Variants in WWTR1 observed in about 807,000 individuals in gnomAD.
WWTR1 encodes the protein WW domain-containing transcription regulator protein 1.
In WWTR1, 13 loss-of-function variants were observed where a neutral mutation model predicts 40.1. The observed-to-expected ratio is 0.32, with a 90% CI of 0.21 to 0.52. The LOEUF is 0.52. Among genes scored for constraint, WWTR1 ranks in the 20% least tolerant of loss-of-function variants. WWTR1 has a pLI of 0.97. For synonymous variants in WWTR1, 230 were observed against 210.1 expected (o/e 1.09, Z -0.82); for missense variants, 436 against 523.1 (o/e 0.83, Z 1.63).
intron 1 of WWTR1, among the ~76,000 whole-genome samples, chr3:149,677,959 C>T (rs1010703874): frequency 1.8e-4 from 27 of 150,544 alleles, no homozygotes; most frequent in African/African-American, 5.6e-4. Flanking sequence ...TTAGTGGAGA[C>T]GGGGTTTCAC....
chr3:149,644,978 A>G lies in WWTR1; in HGVS notation c.431+11898T>C, dbSNP rs562739849. On this transcript the variant is annotated intron_variant, in intron 2 of 6. Coordinates refer to ENST00000360632, the MANE Select transcript of WWTR1 (RefSeq NM_015472.6). The stretch of plus-strand genomic sequence containing the variant: ...AGCAATTCTCGTGTCTCAGCCTCCC[A>G]GGTAACTGGGATTACAGGTACACGC... Among the ~76,000 whole-genome samples the G allele has an allele frequency of 4.8e-3, 725 of 152,134 alleles. 3 individuals carry two copies. Among genetic ancestry groups the G allele is most frequent in the Non-Finnish European group, 7.3e-3 (494 of 67,954 alleles).
rs755829902 is a variant in WWTR1 at position 149,569,055 on chromosome 3, C to CTTTA, written c.568+3808_568+3809insTAAA. Among the ~76,000 whole-genome samples, 258 of 152,202 alleles carry CTTTA rather than the reference C, an allele frequency of 1.7e-3. 1 individual carries two copies. Among genetic ancestry groups the CTTTA allele is most frequent in the Non-Finnish European group, 2.7e-3 (186 of 67,984 alleles). ...TGCTGGGATTACAGGTGTGAGCCAC[C>CTTTA]GCGCCCGGCATCTAAAGCTCTTATA... On this transcript the variant is annotated intron_variant, in intron 3 of 6. Coordinates refer to ENST00000360632, the MANE Select transcript of WWTR1 (RefSeq NM_015472.6).
chr3:149,569,349 A>G (rs920749849), intron 3 of WWTR1, among the ~76,000 whole-genome samples: 8 of 152,234 alleles, frequency 5.3e-5, no homozygotes, highest in Non-Finnish European at 1.2e-4. Flanking sequence ...CATATATTTT[A>G]GCTTACTATG....
chr3:149,598,520 TCTAGTGTCTC>T (rs1323409831), intron 2 of WWTR1, among the ~76,000 whole-genome samples: 4 of 152,238 alleles, frequency 2.6e-5, no homozygotes, highest in African/African-American at 9.6e-5. Context: ...TAATCTTCTT[TCTAGTGTCTC>T]CTAGTGTCTC....
chr3:149,635,953 T>C (rs1711797031), intron 2 of WWTR1, among the ~76,000 whole-genome samples: 1 of 152,202 alleles, frequency 6.6e-6, no homozygotes, highest in Non-Finnish European at 1.5e-5. Context: ...ATTTTCCCAC[T>C]TTTCTGAGAT....
intron 5 of WWTR1, among the ~76,000 whole-genome samples, chr3:149,715,601 C>T (rs747279067): frequency 6.6e-6 from 1 of 152,172 alleles, no homozygotes; most frequent in South Asian, 2.1e-4. Flanking sequence ...CCTGCCAGGC[C>T]GAGTGGGCGG....
chr3:149,645,240 T>C (rs1029596778), intron 2 of WWTR1, among the ~76,000 whole-genome samples: 17 of 152,060 alleles, frequency 1.1e-4, no homozygotes, highest in East Asian at 5.8e-4. Flanking sequence ...CCACCACGCC[T>C]GGCTAATTTT....
chr3:149,521,071 C>T (rs1735023397), intron 6 of WWTR1, 82 bp from the exon 7 acceptor site: 20 of 1,430,832 alleles, frequency 1.4e-5, no homozygotes, highest in Non-Finnish European at 1.9e-5. Flanking sequence ...TTACATAACC[C>T]TCACCTTCAT....
In WWTR1 at chr3:149,587,455, C is replaced by T. The variant is rs979297577; in HGVS notation, c.432-14455G>A. Reference sequence around the variant, plus strand: ...ACCCCACCCAAAAGGTGGGAAGCGCCGGCAGATGATTCCTTTATTTATGGA... The same window carrying T: ...ACCCCACCCAAAAGGTGGGAAGCGCTGGCAGATGATTCCTTTATTTATGGA... On this transcript the variant is annotated intron_variant, in intron 2 of 6. Coordinates refer to ENST00000360632, the MANE Select transcript of WWTR1 (RefSeq NM_015472.6). Among the ~76,000 whole-genome samples the T allele has an allele frequency of 7.9e-5, 12 of 152,232 alleles. No individual in the cohort carries two copies. In the South Asian group the frequency reaches 1.0e-3, roughly 13 times the overall value.
rs536407321 is a variant in WWTR1 at position 149,635,737 on chromosome 3, G to T, written c.431+21139C>A. Among the ~76,000 whole-genome samples, 3 of 152,188 alleles carry T rather than the reference G, an allele frequency of 2.0e-5. No individual in the cohort carries two copies. The East Asian group carries it at 5.8e-4, about 29-fold the overall frequency. On this transcript the variant is annotated intron_variant, in intron 2 of 6. Coordinates refer to ENST00000360632, the MANE Select transcript of WWTR1 (RefSeq NM_015472.6). ...CTGAGAAATGGGCTCTCCTTCTGGGGAGATGAGCAGGATTGGGGATAGAGG... is the reference window on the plus strand; with the variant it reads ...CTGAGAAATGGGCTCTCCTTCTGGGTAGATGAGCAGGATTGGGGATAGAGG...
rs117590748 is a variant in WWTR1, at chr3:149,713,837, G to A, written n.584+3605C>T. Reference sequence around the variant, plus strand: ...TGACCCCTGTGGCACGCATCCCTGAGGCAGCGGACTTCGACTTTGTTGCCC... The same window carrying A: ...TGACCCCTGTGGCACGCATCCCTGAAGCAGCGGACTTCGACTTTGTTGCCC... On this transcript the variant is annotated intron_variant and non_coding_transcript_variant, in intron 5 of 6. Coordinates refer to the WWTR1 transcript ENST00000474080. Among the ~76,000 whole-genome samples the A allele has an allele frequency of 4.5e-4, 68 of 152,334 alleles. No individual in the cohort carries two copies. In the East Asian group the frequency reaches 0.013, roughly 29 times the overall value.
intron 2 of WWTR1, among the ~76,000 whole-genome samples, chr3:149,585,112 G>C (rs1738352221): frequency 7.0e-6 from 1 of 143,440 alleles, no homozygotes; most frequent in Admixed American, 7.0e-5. Context: ...AGATATACTT[G>C]ATTTCTTTCG....
At chr3:149,714,355 C>G (rs1000191512) in intron 5 of WWTR1, among the ~76,000 whole-genome samples, 1 of 152,170 alleles carries the variant, frequency 6.6e-6, no homozygotes, top group Non-Finnish European at 1.5e-5. Flanking sequence ...TCTCAGGGGC[C>G]CAGGAAGGCC....
At chr3:149,683,262 T>C (rs1322798846) in intron 1 of WWTR1, among the ~76,000 whole-genome samples, 2 of 152,208 alleles carry the variant, frequency 1.3e-5, no homozygotes, top group Admixed American at 1.3e-4. Context: ...GTCACATGGC[T>C]AGTAAATATT....
At chr3:149,533,760 G>GAA (rs111493790) in intron 4 of WWTR1, among the ~76,000 whole-genome samples, 5 of 148,002 alleles carry the variant, frequency 3.4e-5, no homozygotes, top group East Asian at 2.0e-4. Context: ...TTGTTCACCT[G>GAA]AAAAAAAAAA....
chr3:149,709,946 T>A (rs1715436637), intron 5 of WWTR1, among the ~76,000 whole-genome samples: 1 of 152,128 alleles, frequency 6.6e-6, no homozygotes, highest in Non-Finnish European at 1.5e-5. Context: ...CAGTTGGGCC[T>A]TCAGGAGACC....
chr3:149,665,319 G>A (rs535488342), intron 2 of WWTR1, among the ~76,000 whole-genome samples: 7 of 147,426 alleles, frequency 4.7e-5, no homozygotes, highest in South Asian at 4.3e-4. Flanking sequence ...TCCGCCTCCC[G>A]GGTTCAAGCC....
At chr3:149,612,068 T>C (rs571153558) in intron 2 of WWTR1, among the ~76,000 whole-genome samples, 79 of 152,286 alleles carry the variant, frequency 5.2e-4, no homozygotes, top group African/African-American at 1.6e-3. Context: ...CCCTGGATTC[T>C]CCAACCCATC....
At chr3:149,595,473 A>T (rs1037217601) in intron 2 of WWTR1, among the ~76,000 whole-genome samples, 3 of 152,116 alleles carry the variant, frequency 2.0e-5, no homozygotes, top group African/African-American at 7.2e-5. Context: ...TTAGGAGTAA[A>T]ATATCATATA....
Sources: gnomAD v4.1 joint callset for allele counts (sites outside exome capture counted in the v4.1 genomes callset) on GRCh38, gnomAD v4.1.1 for gene constraint, MANE v1.5 for transcripts, NCBI Gene and HGNC (gene_info 2026-07-23, HGNC 2026-07-21) for gene names.